The following KHDRBS2 variants were observed in gnomAD, a reference collection of about 807,000 sequenced individuals.
The protein encoded by KHDRBS2 is KH domain-containing, RNA-binding, signal transduction-associated protein 2.
A neutral mutation model predicts 44.3 loss-of-function variants in KHDRBS2; 26 were observed. The ratio of observed to expected loss-of-function variants is 0.59; its 90% CI spans 0.43 to 0.81. The LOEUF (loss-of-function observed/expected upper bound fraction) is 0.81. Ranked by LOEUF, KHDRBS2 falls within the 40% of genes least tolerant of loss-of-function variation. KHDRBS2 has a pLI of 0.00. For missense variants in KHDRBS2, 476 were observed against 433.1 expected (o/e 1.10, Z -0.88); for synonymous variants, 194 against 151.1 (o/e 1.28, Z -2.08).
intron 1 of KHDRBS2, among the ~76,000 whole-genome samples, chr6:62,267,325 C>G (rs1287263101): frequency 4.6e-5 from 7 of 152,096 alleles, no homozygotes. Context: ...ACCTACAGCT[C>G]CAAAGTTTAC....
At chr6:62,238,265 C>T (rs1163606926) in intron 1 of KHDRBS2, among the ~76,000 whole-genome samples, 1 of 151,910 alleles carries the variant, frequency 6.6e-6, no homozygotes, top group Non-Finnish European at 1.5e-5. Context: ...TAGTGCTTCC[C>T]GTTATTATTC....
chr6:61,832,454 A>C (rs1166015184), intron 6 of KHDRBS2, among the ~76,000 whole-genome samples: 1 of 152,136 alleles, frequency 6.6e-6, no homozygotes, highest in East Asian at 1.9e-4. Context: ...TGATAAGGTA[A>C]ATAAAAGCTG....
intron 3 of KHDRBS2, among the ~76,000 whole-genome samples, chr6:62,032,582 C>T (rs1035624319): frequency 6.6e-6 from 1 of 150,888 alleles, no homozygotes; most frequent in African/African-American, 2.4e-5. Flanking sequence ...TAATTCTGTT[C>T]ATCAAGAGAA....
chr6:61,943,016 G>T (rs1245376897), intron 4 of KHDRBS2, among the ~76,000 whole-genome samples: 1 of 139,706 alleles, frequency 7.2e-6, no homozygotes, highest in Admixed American at 7.7e-5. Flanking sequence ...GAGAGAGAGA[G>T]AGAAAGGAAG....
chr6:61,747,817 C>T (rs1269183553), intron 6 of KHDRBS2, among the ~76,000 whole-genome samples: 1 of 152,108 alleles, frequency 6.6e-6, no homozygotes, highest in Non-Finnish European at 1.5e-5. Flanking sequence ...AAAATTTAAT[C>T]CTGTTCTTAG....
At chr6:62,254,090 C>T (rs1252463239) in intron 1 of KHDRBS2, among the ~76,000 whole-genome samples, 1 of 151,978 alleles carries the variant, frequency 6.6e-6, no homozygotes, top group Admixed American at 6.6e-5. Context: ...AAAGTAGGAA[C>T]AGTGTTGAAA....
chr6:62,260,139 T>C (rs1838100485), intron 1 of KHDRBS2, among the ~76,000 whole-genome samples: 1 of 151,968 alleles, frequency 6.6e-6, no homozygotes, highest in African/African-American at 2.4e-5. Context: ...AATGAGAAGG[T>C]AATACTAATA....
chr6:61,725,353 C>G (rs527755277), intron 7 of KHDRBS2, among the ~76,000 whole-genome samples: 3 of 152,108 alleles, frequency 2.0e-5, no homozygotes, highest in East Asian at 3.9e-4. Context: ...AGAAATATCT[C>G]AAGTTAACAA....
At chr6:62,122,140 C>T (rs2150083343) in intron 2 of KHDRBS2, among the ~76,000 whole-genome samples, 1 of 152,220 alleles carries the variant, frequency 6.6e-6, no homozygotes. Context: ...AGCTGCTCTG[C>T]CACTTGGGCC....
chr6:62,279,571 G>T (rs902576291), intron 1 of KHDRBS2, among the ~76,000 whole-genome samples: 3 of 152,150 alleles, frequency 2.0e-5, no homozygotes, highest in Non-Finnish European at 4.4e-5. Flanking sequence ...AAAAAGAATT[G>T]CATGTTGCAA....
At chr6:62,198,147 A>T in intron 1 of KHDRBS2, among the ~76,000 whole-genome samples, 1 of 152,206 alleles carries the variant, frequency 6.6e-6, no homozygotes. Flanking sequence ...AAAGATCTAA[A>T]ATTGACACCC....
chr6:61,661,671 C>T, the KHDRBS2 span, among the ~76,000 whole-genome samples: 1 of 151,626 alleles, frequency 6.6e-6, no homozygotes, highest in East Asian at 2.0e-4. Flanking sequence ...AATAAAATAC[C>T]TACGAATCCA....
At chr6:61,783,904 G>T (rs1783409032) in intron 6 of KHDRBS2, among the ~76,000 whole-genome samples, 1 of 151,870 alleles carries the variant, frequency 6.6e-6, no homozygotes. Context: ...AAGATTACTT[G>T]ATAATATCAG....
intron 7 of KHDRBS2, among the ~76,000 whole-genome samples, chr6:61,697,609 G>A (rs1768056429): frequency 6.6e-6 from 1 of 152,016 alleles, no homozygotes; most frequent in Non-Finnish European, 1.5e-5. Context: ...ATCATGTATA[G>A]CTTTTAATGC....
At chr6:61,816,786 G>A in intron 6 of KHDRBS2, 2 of 369,050 alleles carry the variant, frequency 5.4e-6, no homozygotes, top group Admixed American at 3.2e-5. Flanking sequence ...CATTCAAGGT[G>A]ACATTTAGAA....
chr6:62,145,511 A>T (rs1046655516), intron 2 of KHDRBS2, among the ~76,000 whole-genome samples: 1 of 148,992 alleles, frequency 6.7e-6, no homozygotes, highest in Non-Finnish European at 1.5e-5. Context: ...CTAGCCAATA[A>T]TTTCAGTTTT....
At chr6:61,699,529 G>C (rs1487749786) in intron 7 of KHDRBS2, among the ~76,000 whole-genome samples, 1 of 151,966 alleles carries the variant, frequency 6.6e-6, no homozygotes, top group Non-Finnish European at 1.5e-5. Context: ...TAAGGGCTGA[G>C]GGTAGGGGAT....
At chr6:61,634,737 T>C in the KHDRBS2 span, among the ~76,000 whole-genome samples, 4 of 152,218 alleles carry the variant, frequency 2.6e-5, no homozygotes, top group South Asian at 8.3e-4. Flanking sequence ...ATTTAATCAG[T>C]GTATTAATAT....
At chr6:62,070,081 C>T (rs1794634711) in intron 2 of KHDRBS2, among the ~76,000 whole-genome samples, 1 of 151,406 alleles carries the variant, frequency 6.6e-6, no homozygotes, top group African/African-American at 2.4e-5. Flanking sequence ...GTTTTTGCTC[C>T]TTATTTAATT....
Sources: gnomAD v4.1 joint callset for allele counts (sites outside exome capture counted in the v4.1 genomes callset) on GRCh38, gnomAD v4.1.1 for gene constraint, MANE v1.5 for transcripts, NCBI Gene and HGNC (gene_info 2026-07-23, HGNC 2026-07-21) for gene names.